NEGR1: variants seen among roughly 807,000 people sequenced by gnomAD.
NEGR1 encodes the protein neuronal growth regulator 1, also known as IgLON family member 4.
Under a neutral mutation model 40.9 loss-of-function variants are expected in NEGR1, and 10 were observed. That is an observed-to-expected ratio of 0.24 (90% confidence interval 0.15 to 0.42). The LOEUF (loss-of-function observed/expected upper bound fraction) is 0.42, where lower values mean the gene tolerates loss of function less well. Ranked by LOEUF, NEGR1 falls within the 10% of genes least tolerant of loss-of-function variation. The pLI, the probability that NEGR1 is intolerant of heterozygous loss-of-function variation, is 1.00. For synonymous variants in NEGR1, 185 were observed against 166.8 expected (o/e 1.11, Z -0.84); for missense variants, 352 against 438.9 (o/e 0.80, Z 1.77).
At chr1:72,252,690 AAG>A (rs1210008987) in intron 1 of NEGR1, among the ~76,000 whole-genome samples, 2 of 152,110 alleles carry the variant, frequency 1.3e-5, no homozygotes. Flanking sequence ...CGGAGAGAGT[AAG>A]AGAGAGAGAA....
intron 2 of NEGR1, among the ~76,000 whole-genome samples, chr1:71,922,283 T>C (rs1645727604): frequency 6.6e-6 from 1 of 152,040 alleles, no homozygotes; most frequent in Admixed American, 6.6e-5. Flanking sequence ...CTACAATCAC[T>C]CTCTTGCCAG....
chr1:71,408,094 C>A (rs1646289826), intron 6 of NEGR1, among the ~76,000 whole-genome samples: 1 of 151,904 alleles, frequency 6.6e-6, no homozygotes, highest in African/African-American at 2.4e-5. Context: ...CATGTGCATA[C>A]CCAGTAACAC....
chr1:72,126,644 G>C (rs1486922220), intron 1 of NEGR1, among the ~76,000 whole-genome samples: 1 of 152,232 alleles, frequency 6.6e-6, no homozygotes, highest in African/African-American at 2.4e-5. Flanking sequence ...GAATTCTGAA[G>C]GGTCAGAGAT....
intron 1 of NEGR1, among the ~76,000 whole-genome samples, chr1:71,963,038 G>T (rs985774601): frequency 1.3e-5 from 2 of 151,882 alleles, no homozygotes; most frequent in Admixed American, 1.3e-4. Context: ...TCTATGTTTT[G>T]TATGTCTTTT....
chr1:71,903,678 A>G (rs903034132), intron 2 of NEGR1, among the ~76,000 whole-genome samples: 27 of 151,850 alleles, frequency 1.8e-4, no homozygotes. Context: ...CATTTATTTC[A>G]TACATATACA....
At chr1:71,470,225 C>CT (rs36056705) in intron 6 of NEGR1, among the ~76,000 whole-genome samples, 3 of 151,388 alleles carry the variant, frequency 2.0e-5, no homozygotes, top group South Asian at 2.1e-4. Context: ...CAGACCCTAT[C>CT]TTTTTTTTTC....
chr1:71,841,090 A>G (rs1659220859), intron 2 of NEGR1, among the ~76,000 whole-genome samples: 1 of 152,008 alleles, frequency 6.6e-6, no homozygotes, highest in South Asian at 2.1e-4. Flanking sequence ...ATATATACAC[A>G]TCCTATTAGT....
chr1:71,760,676 T>C (rs1186410668), intron 3 of NEGR1, among the ~76,000 whole-genome samples: 3 of 152,220 alleles, frequency 2.0e-5, no homozygotes, highest in African/African-American at 4.8e-5. Context: ...GTCATCAGCA[T>C]AATTTGCCGG....
At chr1:72,143,912 A>ATGG (rs1315984670) in intron 1 of NEGR1, among the ~76,000 whole-genome samples, 1 of 61,218 alleles carries the variant, frequency 1.6e-5, no homozygotes, top group Non-Finnish European at 3.2e-5. Context: ...TATGATATAT[A>ATGG]TAATATATAT....
intron 1 of NEGR1, among the ~76,000 whole-genome samples, chr1:72,055,581 A>T (rs1490712772): frequency 2.0e-5 from 3 of 150,974 alleles, no homozygotes; most frequent in Non-Finnish European, 3.0e-5. Context: ...AACATTTAGA[A>T]GCATCTGAAA....
intron 1 of NEGR1, among the ~76,000 whole-genome samples, chr1:71,948,413 C>A (rs966936818): frequency 2.6e-5 from 4 of 151,306 alleles, no homozygotes; most frequent in Admixed American, 1.3e-4. Flanking sequence ...AAAAATATAT[C>A]TTTATGATCA....
chr1:72,155,503 A>C (rs1407557583), intron 1 of NEGR1, among the ~76,000 whole-genome samples: 1 of 152,070 alleles, frequency 6.6e-6, no homozygotes, highest in African/African-American at 2.4e-5. Flanking sequence ...TTCTCAAAAA[A>C]AGATGCATTA....
At chr1:71,697,910 C>G in intron 4 of NEGR1, 98 bp downstream of exon 4, 2 of 1,191,602 alleles carry the variant, frequency 1.7e-6, no homozygotes, top group Non-Finnish European at 2.4e-6. Context: ...TACCAATAGA[C>G]AACCTCTTAA....
At chr1:71,449,746 G>A (rs1195057537) in intron 6 of NEGR1, among the ~76,000 whole-genome samples, 1 of 152,056 alleles carries the variant, frequency 6.6e-6, no homozygotes, top group African/African-American at 2.4e-5. Flanking sequence ...ACTAAGGTTT[G>A]GGAAGATTTA....
chr1:72,188,230 T>C (rs1652683575), intron 1 of NEGR1, among the ~76,000 whole-genome samples: 1 of 151,404 alleles, frequency 6.6e-6, no homozygotes. Context: ...AGATGAACCT[T>C]TCAAAAGGCT....
chr1:71,757,392 C>T (rs1655780323), intron 3 of NEGR1, among the ~76,000 whole-genome samples: 1 of 152,024 alleles, frequency 6.6e-6, no homozygotes, highest in South Asian at 2.1e-4. Context: ...AAAAACTTGG[C>T]ACCATCATTA....
intron 1 of NEGR1, among the ~76,000 whole-genome samples, chr1:72,001,239 T>C (rs543334238): frequency 1.5e-4 from 23 of 152,058 alleles, no homozygotes; most frequent in Admixed American, 1.4e-3. Flanking sequence ...GCAGAGAGCT[T>C]TCTCTCTTTC....
At chr1:71,928,311 CAT>C (rs1275545096) in intron 2 of NEGR1, among the ~76,000 whole-genome samples, 1,310 of 102,116 alleles carry the variant, frequency 0.013, 5 homozygotes, top group Non-Finnish European at 0.016. Flanking sequence ...TATATACACA[CAT>C]ATGTATATAC....
intron 1 of NEGR1, among the ~76,000 whole-genome samples, chr1:72,154,228 C>A (rs1407503486): frequency 7.9e-5 from 12 of 151,734 alleles, no homozygotes; most frequent in African/African-American, 2.9e-4. Flanking sequence ...CAGAAGTGAA[C>A]ATTTTAAGGG....
Sources: allele counts gnomAD v4.1 joint callset (sites outside exome capture counted in the v4.1 genomes callset), GRCh38; gene constraint gnomAD v4.1.1; transcripts MANE v1.5; gene names NCBI Gene and HGNC (gene_info 2026-07-23, HGNC 2026-07-21).